The following MRPS5 variants were observed in gnomAD, a reference collection of about 807,000 sequenced individuals.
The protein encoded by MRPS5 is mitochondrial ribosomal protein S5, also known as small ribosomal subunit protein uS5m.
MRPS5 carries 27 observed loss-of-function variants against 51.9 expected under a neutral mutation model. The observed-to-expected ratio is 0.52, with a 90% CI of 0.38 to 0.72. MRPS5 has a LOEUF of 0.72. Among genes scored for constraint, MRPS5 ranks in the 30% least tolerant of loss-of-function variants. The pLI, the probability that MRPS5 is intolerant of heterozygous loss-of-function variation, is 0.00. For missense variants in MRPS5, 570 were observed against 545.7 expected, an observed-to-expected ratio of 1.04 and a Z score of -0.44; for synonymous variants, 196 against 193.2, an observed-to-expected ratio of 1.01 and a Z score of -0.12.
chr2:95,106,378 A>T, intron 6 of MRPS5, 45 bp downstream of exon 6: 1 of 514,262 alleles, frequency 1.9e-6, no homozygotes, highest in Non-Finnish European at 3.6e-6. Context: ...CACCCACCCC[A>T]ACCTCTCCAA....
At chr2:95,104,183 G>GA in intron 7 of MRPS5, 1 of 160,912 alleles carries the variant, frequency 6.2e-6, no homozygotes, top group Middle Eastern at 3.2e-3. Flanking sequence ...TTTTAAAAAA[G>GA]AAAAAAACAA....
chr2:95,109,327 G>C (rs1242725125), intron 4 of MRPS5, among the ~76,000 whole-genome samples: 1 of 152,204 alleles, frequency 6.6e-6, no homozygotes, highest in Non-Finnish European at 1.5e-5. Flanking sequence ...AGCAAGCACA[G>C]TACAAGACGG....
chr2:95,109,180 T>G (rs1249488094), intron 4 of MRPS5, among the ~76,000 whole-genome samples: 1 of 152,006 alleles, frequency 6.6e-6, no homozygotes, highest in African/African-American at 2.4e-5. Flanking sequence ...ATGATTCTTA[T>G]AATTTAAAAA....
chr2:95,106,890 C>T (rs1405784566), intron 5 of MRPS5, among the ~76,000 whole-genome samples: 1 of 152,128 alleles, frequency 6.6e-6, no homozygotes, highest in Non-Finnish European at 1.5e-5. Context: ...TCTGGCCACT[C>T]CTGACCTGCT....
chr2:95,108,729 T>A (rs1376530799), intron 4 of MRPS5, among the ~76,000 whole-genome samples: 1 of 152,106 alleles, frequency 6.6e-6, no homozygotes, highest in African/African-American at 2.4e-5. Context: ...AACCACAGCG[T>A]CTCCAGCATA....
chr2:95,118,981 GAAA>G lies in MRPS5; in HGVS notation c.59-1039_59-1037del, dbSNP rs201794005. 4.7e-4 allele frequency among the ~76,000 whole-genome samples: 71 copies of G among 151,498 alleles called. No homozygotes were observed. In the East Asian group the frequency reaches 8.1e-3, roughly 17 times the overall value. ...GACACCAAAAGCACAGCAACAAAAA[GAAA>G]AAAAATAGACAAATGAGACTTCATC... On this transcript the variant is annotated intron_variant, in intron 1 of 11. Coordinates refer to ENST00000272418, the MANE Select transcript of MRPS5 (RefSeq NM_031902.5).
intron 10 of MRPS5, among the ~76,000 whole-genome samples, chr2:95,094,555 C>T (rs954619092): frequency 6.6e-6 from 1 of 152,186 alleles, no homozygotes; most frequent in African/African-American, 2.4e-5. Context: ...ATTCTATAAG[C>T]CAGAAGAGAG....
chr2:95,119,361 G>A (rs1676375868), intron 1 of MRPS5, among the ~76,000 whole-genome samples: 1 of 152,184 alleles, frequency 6.6e-6, no homozygotes, highest in Admixed American at 6.5e-5. Flanking sequence ...TGTAATCTCA[G>A]CACTTTGGGA....
At chr2:95,112,494 T>G (rs1399262816) in intron 3 of MRPS5, among the ~76,000 whole-genome samples, 2 of 152,206 alleles carry the variant, frequency 1.3e-5, no homozygotes, top group East Asian at 3.8e-4. Context: ...TCAAAGGGAT[T>G]TAAACAGTGG....
At chr2:95,121,655 C>T in intron 1 of MRPS5, 79 bp downstream of exon 1, 1 of 1,458,490 alleles carries the variant, frequency 6.9e-7, no homozygotes. Context: ...TTCCCTCCGC[C>T]CCGACTTCTG....
chr2:95,117,656 A>G (rs1204580068), intron 2 of MRPS5, among the ~76,000 whole-genome samples: 3 of 151,586 alleles, frequency 2.0e-5, no homozygotes, highest in Non-Finnish European at 4.4e-5. Context: ...AACAATTGCA[A>G]TCATAAGAAA....
chr2:95,099,153 C>T (rs764381683), intron 10 of MRPS5, among the ~76,000 whole-genome samples: 2 of 151,370 alleles, frequency 1.3e-5, no homozygotes, highest in Admixed American at 6.6e-5. Context: ...CTCCGGACCT[C>T]GTGATCCGAC....
intron 6 of MRPS5, 90 bp from the exon 7 acceptor site, chr2:95,104,820 G>T: frequency 9.2e-7 from 1 of 1,090,016 alleles, no homozygotes; most frequent in Non-Finnish European, 1.4e-6. Context: ...AGGCATACAC[G>T]GTGAACAGGC....
chr2:95,090,121 G>A (rs1469667742), intron 11 of MRPS5, among the ~76,000 whole-genome samples: 7 of 144,834 alleles, frequency 4.8e-5, no homozygotes. Flanking sequence ...AGCTTGCAGT[G>A]AGCCGGGATC....
chr2:95,089,973 C>T (rs1244687681), intron 11 of MRPS5, among the ~76,000 whole-genome samples: 8 of 151,468 alleles, frequency 5.3e-5, no homozygotes, highest in Admixed American at 2.0e-4. Flanking sequence ...GTCAGGAGAT[C>T]GAGACCATCC....
At chr2:95,105,615 G>A (rs1217946067) in intron 6 of MRPS5, among the ~76,000 whole-genome samples, 4 of 151,960 alleles carry the variant, frequency 2.6e-5, no homozygotes, top group Admixed American at 2.6e-4. Flanking sequence ...GCTCTCTGGT[G>A]CATAGCTGTC....
chr2:95,114,268 T>C (rs1311214492), intron 3 of MRPS5, among the ~76,000 whole-genome samples: 1 of 151,938 alleles, frequency 6.6e-6, no homozygotes, highest in Non-Finnish European at 1.5e-5. Flanking sequence ...CTTTTTTTTT[T>C]TCTTTTGGAG....
At chr2:95,101,624 T>C in intron 8 of MRPS5, 53 bp downstream of exon 8, 1 of 1,406,596 alleles carries the variant, frequency 7.1e-7, no homozygotes, top group Non-Finnish European at 9.8e-7. Flanking sequence ...GTGTCTGGCA[T>C]ATAACTTACT....
chr2:95,104,491 C>T, intron 7 of MRPS5, 149 bp downstream of exon 7: 1 of 769,962 alleles, frequency 1.3e-6, no homozygotes, highest in East Asian at 2.6e-5. Context: ...ATGGACTTAC[C>T]ACAAGCTTTG....
Sources: gnomAD v4.1 joint callset for allele counts (sites outside exome capture counted in the v4.1 genomes callset) on GRCh38, gnomAD v4.1.1 for gene constraint, MANE v1.5 for transcripts, NCBI Gene and HGNC (gene_info 2026-07-23, HGNC 2026-07-21) for gene names.